WDFY3: variants seen among roughly 807,000 people sequenced by gnomAD.
WDFY3 encodes WD repeat and FYVE domain containing 3.
A neutral mutation model predicts 409.6 loss-of-function variants in WDFY3; 66 were observed. The observed-to-expected ratio is 0.16, with a 90% confidence interval of 0.13 to 0.20. The LOEUF (loss-of-function observed/expected upper bound fraction) is 0.20. WDFY3 is among the 10% of genes least tolerant of loss of function. The pLI, the probability that WDFY3 is intolerant of heterozygous loss-of-function variation, is 1.00. For missense variants in WDFY3, 3,031 were observed against 4,298.1 expected (o/e 0.71, Z 8.24); for synonymous variants, 1,521 against 1,537.1 (o/e 0.99, Z 0.25).
chr4:84,756,802 A>C (rs1741544067), intron 33 of WDFY3, 124 bp downstream of exon 33: 1 of 1,176,938 alleles, frequency 8.5e-7, no homozygotes. Context: ...TTCTGTCCCA[A>C]ATCAAACCTT....
At chr4:84,953,829 A>T (rs527630208) in intron 1 of WDFY3, among the ~76,000 whole-genome samples, 1 of 152,164 alleles carries the variant, frequency 6.6e-6, no homozygotes, top group South Asian at 2.1e-4. Flanking sequence ...AATAAATTTC[A>T]CAATTCCCAC....
intron 47 of WDFY3, among the ~76,000 whole-genome samples, 158 bp from the exon 48 acceptor site, chr4:84,718,728 A>G (rs372273789): frequency 2.0e-5 from 3 of 152,204 alleles, no homozygotes; most frequent in African/African-American, 7.2e-5. Context: ...ACATCTGACT[A>G]GAGTAAAACT....
chr4:84,794,865 C>T lies in WDFY3; in HGVS notation c.3268+14G>A, dbSNP rs763976486. On this transcript the variant is annotated intron_variant, in intron 20 of 67. Coordinates refer to ENST00000295888, the MANE Select transcript of WDFY3 (RefSeq NM_014991.6). ...AGAAAAAAAACTCATAAGCAGAAAG[C>T]AAATATTACTTACCAGAACCAATGC... 2 of 1,554,650 alleles carry T rather than the reference C, an allele frequency of 1.3e-6. No homozygotes were observed. The highest frequency in any genetic ancestry group is 4.5e-5 in the East Asian group (2 of 44,214).
chr4:84,779,974 A>G (rs1277093131), intron 26 of WDFY3, 134 bp downstream of exon 26: 1 of 1,020,810 alleles, frequency 9.8e-7, no homozygotes, highest in African/African-American at 1.6e-5. Flanking sequence ...ATTAGTTTTC[A>G]TAAAACTACT....
Position 84,787,671 on chromosome 4 carries a change from T to G in WDFY3, c.3712A>C (p.Asn1238His), listed in dbSNP as rs748317297. The G allele has an allele frequency of 1.2e-6, 2 of 1,614,006 alleles. No homozygotes were observed. The highest frequency in any genetic ancestry group is 1.3e-5 in the African/African-American group (1 of 74,942). The change falls in exon 23 of 68, where the codon AAT becomes CAT. Residue 1238 changes from asparagine to histidine, a missense_variant. Around this residue, in one of 16 missense-constraint regions of WDFY3, gnomAD observed 1,322 missense variants for 1,697.9 expected, o/e 0.78. Transcript: ENST00000295888. ...TAGACCGTGCTCACCACTGGTGGAT[T>G]TGCCGAACCTGAACCCCCTGGAGTA... is the stretch of plus-strand genomic sequence containing the variant. Reference protein sequence around the residue: ...HSTPGGSGSANPPVVSTVYAY... With the variant: ...HSTPGGSGSAHPPVVSTVYAY...
chr4:84,956,543 A>G (rs1774260166), intron 1 of WDFY3, among the ~76,000 whole-genome samples: 1 of 152,244 alleles, frequency 6.6e-6, no homozygotes, highest in African/African-American at 2.4e-5. Context: ...TAAAGGGATT[A>G]GGCCATTCAC....
At chr4:84,687,214 G>A (rs1051522028) in intron 62 of WDFY3, among the ~76,000 whole-genome samples, 5 of 151,968 alleles carry the variant, frequency 3.3e-5, no homozygotes, top group African/African-American at 1.2e-4. Context: ...AGCGATCTTG[G>A]CTCACTGCCA....
Position 84,833,688 on chromosome 4 carries a change from A to AAAGAAAAGAAAAGAAAAGAGAAGAG in WDFY3, c.577-2084_577-2083insCTCTTCTCTTTTCTTTTCTTTTCTT, listed in dbSNP as rs754643352. On this transcript the variant is annotated intron_variant, in intron 7 of 67. Coordinates refer to ENST00000295888, the MANE Select transcript of WDFY3 (RefSeq NM_014991.6). ...AAAGAAAAGAAAAGAAAAGAAAAGA[A>AAAGAAAAGAAAAGAAAAGAGAAGAG]AAGAGAAGAGAAGAGAAGAGAACAG... is the stretch of plus-strand genomic sequence containing the variant. 2.6e-3 allele frequency among the ~76,000 whole-genome samples: 384 copies of AAAGAAAAGAAAAGAAAAGAGAAGAG among 149,560 alleles called. 3 individuals carry two copies. The highest frequency in any genetic ancestry group is 6.8e-3 in the Admixed American group (101 of 14,888).
chr4:84,721,613 GA>G, intron 46 of WDFY3, 41 bp from the exon 47 acceptor site: 2 of 1,591,972 alleles, frequency 1.3e-6, no homozygotes, highest in Non-Finnish European at 1.7e-6. Context: ...GCATTGTAAG[GA>G]CCTTGTGGGG....
rs777498907 is a variant in WDFY3, at chr4:84,765,976, A to G, written c.5022T>C (p.Phe1674=). 29 of 1,613,926 alleles carry G rather than the reference A, an allele frequency of 1.8e-5. No individual in the cohort carries two copies. The highest frequency in any genetic ancestry group is 6.6e-5 in the South Asian group (6 of 91,086). Residue 1674 remains phenylalanine, a synonymous_variant, in exon 32 of 68, where the codon TTT becomes TTC. Coordinates refer to ENST00000295888, the MANE Select transcript of WDFY3 (RefSeq NM_014991.6). ...KTLGFDWIMM[F]MEEHLHSTTV... ...TGGTGGAATGTAAGTGTTCCTCCAT[A>G]AACATCATGATCCAGTCAAAACCCA... is the stretch of plus-strand genomic sequence containing the variant.
At chr4:84,816,144 C>T (rs1200942992) in intron 13 of WDFY3, among the ~76,000 whole-genome samples, 13 of 152,058 alleles carry the variant, frequency 8.5e-5, no homozygotes, top group Admixed American at 8.5e-4. Flanking sequence ...TCAAGGAGGC[C>T]TGAATCCTTA....
Position 84,690,641 on chromosome 4 carries a change from C to T in WDFY3, c.9228G>A (p.Leu3076=), listed in dbSNP as rs762745955. The change falls in exon 61 of 68, where the codon TTG becomes TTA. Residue 3076 remains leucine (L), a synonymous_variant. Transcript: ENST00000295888. ...CACAGAGAATCTGGCCCCACTCAGACAAGCATTCATAAACAGTCATGGCCT... is the reference window on the plus strand; with the variant it reads ...CACAGAGAATCTGGCCCCACTCAGATAAGCATTCATAAACAGTCATGGCCT... ...SDKAMTVYEC[L]SEWGQILCAI... is the part of the protein sequence containing the mutation. The T allele has an allele frequency of 6.2e-7, 1 of 1,613,790 alleles. No homozygotes were observed. Among genetic ancestry groups the T allele is most frequent in the Admixed American group, 1.7e-5 (1 of 59,990 alleles).
At chr4:84,723,603 T>C (rs1366485152) in intron 46 of WDFY3, among the ~76,000 whole-genome samples, 1 of 152,102 alleles carries the variant, frequency 6.6e-6, no homozygotes, top group Admixed American at 6.5e-5. Flanking sequence ...GTGCTAGTCA[T>C]GTGTCAAAAT....
At chr4:84,941,259 T>C (rs1772082586) in intron 1 of WDFY3, among the ~76,000 whole-genome samples, 1 of 151,980 alleles carries the variant, frequency 6.6e-6, no homozygotes, top group Non-Finnish European at 1.5e-5. Flanking sequence ...CCTAAGTTAA[T>C]AAGGGAACTT....
At chr4:84,791,072 T>C (rs1480611232) in intron 21 of WDFY3, among the ~76,000 whole-genome samples, 16 of 152,114 alleles carry the variant, frequency 1.1e-4, no homozygotes, top group Non-Finnish European at 2.1e-4. Context: ...ACACTGAAAA[T>C]AGAACTAACA....
At chr4:84,909,730 T>C (rs1767517691) in intron 2 of WDFY3, among the ~76,000 whole-genome samples, 1 of 152,034 alleles carries the variant, frequency 6.6e-6, no homozygotes, top group African/African-American at 2.4e-5. Flanking sequence ...ATTGAACAAT[T>C]TACTAGATTA....
chr4:84,684,069 G>C lies in WDFY3; in HGVS notation c.9600C>G (p.Asn3200Lys). 1.2e-6 allele frequency: 2 copies of C among 1,612,680 alleles called. No individual in the cohort carries two copies. The highest frequency in any genetic ancestry group is 1.7e-6 in the Non-Finnish European group (2 of 1,178,872). ...TYIHVWSING[N>K]PIVSVNTFTG... ...TGAACGTGTTGACACTCACGATAGGGTTCCCATTGATGCTCCACACATGGA... is the reference window on the plus strand; with the variant it reads ...TGAACGTGTTGACACTCACGATAGGCTTCCCATTGATGCTCCACACATGGA... The change falls in exon 63 of 68, where the codon AAC (asparagine) becomes AAG (lysine). Residue 3200 changes from asparagine (N) to lysine (K), a missense_variant. This residue lies in a region of WDFY3 where 378 missense variants were observed against 477.3 expected (regional missense o/e 0.79). Transcript: ENST00000295888.
chr4:84,705,973 TTTC>T (rs546687097), intron 53 of WDFY3, among the ~76,000 whole-genome samples: 176 of 151,424 alleles, frequency 1.2e-3, no homozygotes, highest in Non-Finnish European at 2.2e-3. Flanking sequence ...TTCTGAGCAT[TTTC>T]TTCTCAGAGG....
chr4:84,849,020 T>A (rs1225018495), intron 5 of WDFY3, among the ~76,000 whole-genome samples: 1 of 152,110 alleles, frequency 6.6e-6, no homozygotes, highest in Admixed American at 6.5e-5. Flanking sequence ...AAAAAATGTT[T>A]AACTCAGGGT....
Sources: gnomAD v4.1 joint callset for allele counts (sites outside exome capture counted in the v4.1 genomes callset) on GRCh38, gnomAD v4.1.1 for gene constraint, gnomAD v4.1.1 regional missense constraint, MANE v1.5 for transcripts, NCBI Gene and HGNC (gene_info 2026-07-23, HGNC 2026-07-21) for gene names.